Variants in SDK1 observed in about 807,000 individuals in gnomAD.
SDK1 encodes the protein sidekick cell adhesion molecule 1.
In SDK1, 157 loss-of-function variants were observed where a neutral mutation model predicts 245.5. The ratio of observed to expected loss-of-function variants is 0.64; its 90% CI spans 0.56 to 0.73. The LOEUF is 0.73. SDK1 is among the 30% of genes least tolerant of loss of function. The pLI is 0.00. For synonymous variants in SDK1, 1,647 were observed against 1,278.5 expected (o/e 1.29, Z -6.15); for missense variants, 3,583 against 3,002.3 (o/e 1.19, Z -4.52).
chr7:4,245,266 T>C (rs1786775352), intron 43 of SDK1, among the ~76,000 whole-genome samples: 1 of 152,084 alleles, frequency 6.6e-6, no homozygotes, highest in African/African-American at 2.4e-5. Flanking sequence ...TCCCACTCCT[T>C]AGCATGGCAG....
intron 5 of SDK1, among the ~76,000 whole-genome samples, chr7:3,832,933 T>A (rs1291234905): frequency 6.6e-6 from 1 of 152,102 alleles, no homozygotes; most frequent in African/African-American, 2.4e-5. Flanking sequence ...CAGTGTAAAC[T>A]GTTATTTTGC....
intron 1 of SDK1, among the ~76,000 whole-genome samples, chr7:3,474,236 G>C (rs889368774): frequency 3.3e-5 from 5 of 150,840 alleles, no homozygotes; most frequent in African/African-American, 7.3e-5. Context: ...CCAAGTAGTG[G>C]TGGCGTGCGC....
At chr7:3,509,854 T>G (rs1782520911) in intron 1 of SDK1, among the ~76,000 whole-genome samples, 1 of 152,188 alleles carries the variant, frequency 6.6e-6, no homozygotes, top group South Asian at 2.1e-4. Flanking sequence ...AATGGAATGT[T>G]AAGTCAGTGG....
rs755674840 is a variant in SDK1 at position 3,951,732 on chromosome 7, C to G, written c.962C>G (p.Pro321Arg). Residue 321 changes from proline to arginine, a missense_variant and splice_region_variant, in exon 7 of 45, where the codon CCT (proline) becomes CGT (arginine). Pro to Arg is a moderately radical substitution (Grantham distance 103). Coordinates refer to ENST00000404826, the MANE Select transcript of SDK1 (RefSeq NM_152744.4). ...TTLECIASAR[P>R]VEDLSVTWKR... ...ATGAATGCCTTTCATTCCCACAGGCCTGTGGAGGACCTGAGTGTGACCTGG... is the reference window on the plus strand; with the variant it reads ...ATGAATGCCTTTCATTCCCACAGGCGTGTGGAGGACCTGAGTGTGACCTGG... The G allele has an allele frequency of 1.2e-6, 2 of 1,612,962 alleles. No individual in the cohort carries two copies. The highest frequency in any genetic ancestry group is 1.7e-6 in the Non-Finnish European group (2 of 1,179,926).
rs1442184300 is a variant in SDK1, at chr7:4,131,595, T to C, written c.4130-730T>C. ...GCCTCTTACCTGGGAATCGGTCAGT[T>C]ATTAATTCCAACAAGAAGCTCTCAT... On this transcript the variant is annotated intron_variant, in intron 27 of 44. Transcript: ENST00000404826. 2.6e-5 allele frequency among the ~76,000 whole-genome samples: 4 copies of C among 152,346 alleles called. No homozygotes were observed. The East Asian group carries it at 7.7e-4, about 29-fold the overall frequency.
At chr7:3,472,543 T>G (rs1299304324) in intron 1 of SDK1, among the ~76,000 whole-genome samples, 2 of 152,228 alleles carry the variant, frequency 1.3e-5, no homozygotes, top group Non-Finnish European at 2.9e-5. Context: ...TGTATCTTAA[T>G]AGAATAATTA....
At position 3,896,152 on chromosome 7, in the gene SDK1, T is replaced by TA. The variant is rs139420714; in HGVS notation, c.848-54765dup. Among the ~76,000 whole-genome samples the TA allele has an allele frequency of 9.2e-3, 1,407 of 152,306 alleles. 21 individuals are homozygous for TA. The highest frequency in any genetic ancestry group is 0.034 in the South Asian group (164 of 4,820). ...GATTTTCTAAGTTTTAAAGACATTT[T>TA]AAAAAATGAAAAACGAAATGTTTAT... On this transcript the variant is annotated intron_variant, in intron 5 of 44. Coordinates refer to ENST00000404826, the MANE Select transcript of SDK1 (RefSeq NM_152744.4).
chr7:3,362,521 C>G (rs1583745582), intron 1 of SDK1, among the ~76,000 whole-genome samples: 1 of 152,148 alleles, frequency 6.6e-6, no homozygotes, highest in Non-Finnish European at 1.5e-5. Context: ...ATATTTTTTC[C>G]TATATCTTTA....
intron 5 of SDK1, among the ~76,000 whole-genome samples, chr7:3,837,782 C>CTG (rs10630621): frequency 6.6e-6 from 1 of 152,002 alleles, no homozygotes; most frequent in African/African-American, 2.4e-5. Flanking sequence ...TTAATTTAAA[C>CTG]TTTTTTATTT....
At chr7:3,447,926 A>T (rs1255997775) in intron 1 of SDK1, among the ~76,000 whole-genome samples, 1 of 151,592 alleles carries the variant, frequency 6.6e-6, no homozygotes, top group African/African-American at 2.4e-5. Flanking sequence ...CTGGTCTCGA[A>T]TTCCCGAGCT....
At chr7:3,841,152 TC>T (rs1780147643) in intron 5 of SDK1, among the ~76,000 whole-genome samples, 1 of 152,160 alleles carries the variant, frequency 6.6e-6, no homozygotes, top group Non-Finnish European at 1.5e-5. Context: ...CTTGCCTCTT[TC>T]CTCGTACCAC....
chr7:3,611,791 G>T (rs900217893), intron 1 of SDK1, among the ~76,000 whole-genome samples: 1 of 152,032 alleles, frequency 6.6e-6, no homozygotes, highest in South Asian at 2.1e-4. Context: ...TCCTTACTCC[G>T]GCAAAAATGG....
At chr7:3,465,767 G>C (rs1175799168) in intron 1 of SDK1, among the ~76,000 whole-genome samples, 1 of 152,264 alleles carries the variant, frequency 6.6e-6, no homozygotes, top group South Asian at 2.1e-4. Flanking sequence ...CACTGTGTTG[G>C]TGTTCTCTGA....
intron 1 of SDK1, among the ~76,000 whole-genome samples, chr7:3,505,062 C>T (rs1366452530): frequency 6.6e-6 from 1 of 152,158 alleles, no homozygotes; most frequent in Non-Finnish European, 1.5e-5. Context: ...GGTAAGCCCC[C>T]TTGACTATTA....
At chr7:3,940,684 C>T (rs562933383) in intron 5 of SDK1, among the ~76,000 whole-genome samples, 9 of 151,906 alleles carry the variant, frequency 5.9e-5, no homozygotes, top group African/African-American at 1.2e-4. Flanking sequence ...AGCCGGGTGT[C>T]GTGGCAGGCG....
At chr7:3,990,691 C>G (rs1026947365) in intron 14 of SDK1, among the ~76,000 whole-genome samples, 6 of 152,188 alleles carry the variant, frequency 3.9e-5, no homozygotes, top group African/African-American at 1.4e-4. Context: ...CTCCTCATTC[C>G]CTGCACTTAG....
At chr7:3,776,652 A>T (rs945614883) in intron 4 of SDK1, among the ~76,000 whole-genome samples, 2 of 152,174 alleles carry the variant, frequency 1.3e-5, no homozygotes, top group Non-Finnish European at 2.9e-5. Flanking sequence ...ATCACTGCCT[A>T]CAGTAACTGA....
At chr7:3,681,343 C>G (rs1006192859) in intron 4 of SDK1, among the ~76,000 whole-genome samples, 1 of 152,042 alleles carries the variant, frequency 6.6e-6, no homozygotes, top group African/African-American at 2.4e-5. Context: ...TGTGTGTACA[C>G]CCCAGTGAGT....
At chr7:3,478,772 G>C (rs1781421085) in intron 1 of SDK1, among the ~76,000 whole-genome samples, 1 of 150,874 alleles carries the variant, frequency 6.6e-6, no homozygotes, top group Non-Finnish European at 1.5e-5. Flanking sequence ...TAAATTTGTT[G>C]AATTTGATGC....
Sources: gnomAD v4.1 joint callset for allele counts (sites outside exome capture counted in the v4.1 genomes callset) on GRCh38, gnomAD v4.1.1 for gene constraint, MANE v1.5 for transcripts, NCBI Gene and HGNC (gene_info 2026-07-23, HGNC 2026-07-21) for gene names.